The following TNS1 variants were observed in gnomAD, a reference collection of about 807,000 sequenced individuals.
The protein encoded by TNS1 is tensin 1.
Under a neutral mutation model 168.6 loss-of-function variants are expected in TNS1, and 62 were observed. The ratio of observed to expected loss-of-function variants is 0.37; its 90% CI spans 0.30 to 0.45. TNS1 has a LOEUF of 0.45. TNS1 is among the 20% of genes least tolerant of loss of function. The probability of loss-of-function intolerance (pLI) is 1.00; values close to 1 mark genes in which losing one functional copy is unlikely to be tolerated. For synonymous variants in TNS1, 934 were observed against 933.2 expected, an observed-to-expected ratio of 1.00 and a Z score of -0.02; for missense variants, 2,240 against 2,339.4, an observed-to-expected ratio of 0.96 and a Z score of 0.88.
At chr2:217,896,006 T>C (rs745881724) in intron 8 of TNS1, among the ~76,000 whole-genome samples, 3 of 152,248 alleles carry the variant, frequency 2.0e-5, no homozygotes, top group African/African-American at 4.8e-5. Context: ...TATGGTACAA[T>C]AGCCATCACT....
intron 3 of TNS1, among the ~76,000 whole-genome samples, chr2:217,945,708 C>T (rs1381574134): frequency 6.6e-6 from 1 of 152,168 alleles, no homozygotes; most frequent in East Asian, 1.9e-4. Context: ...CTAGTCCTCC[C>T]TAGCCGTCGG....
At chr2:217,997,985 G>C (rs1958500948) in intron 1 of TNS1, among the ~76,000 whole-genome samples, 1 of 152,184 alleles carries the variant, frequency 6.6e-6, no homozygotes, top group African/African-American at 2.4e-5. Flanking sequence ...CCATGAACCA[G>C]CCCTCAGAAG....
intron 8 of TNS1, among the ~76,000 whole-genome samples, chr2:217,896,835 A>G (rs79136282): frequency 0.011 from 1,668 of 152,338 alleles, 25 homozygotes; most frequent in African/African-American, 0.038. Flanking sequence ...ACTTATGCAT[A>G]TACTTCCGTA....
intron 3 of TNS1, among the ~76,000 whole-genome samples, chr2:217,956,429 C>T (rs1006151533): frequency 3.3e-5 from 5 of 151,170 alleles, no homozygotes; most frequent in Admixed American, 2.0e-4. Flanking sequence ...GTAACAAGGA[C>T]GCAGAAAAGA....
chr2:217,949,789 G>A (rs1266402853), intron 3 of TNS1, among the ~76,000 whole-genome samples: 2 of 152,160 alleles, frequency 1.3e-5, no homozygotes, highest in African/African-American at 4.8e-5. Context: ...CTAAGATGCT[G>A]AAGTGAACTG....
Position 217,847,997 on chromosome 2 carries a change from C to A in TNS1, c.2520G>T (p.Leu840=), listed in dbSNP as rs1946903381. Residue 840 remains leucine, a synonymous_variant, in exon 19 of 33, where the codon CTG becomes CTT. Coordinates refer to ENST00000682258, the MANE Select transcript of TNS1 (RefSeq NM_001387777.1). ...CGGAGGCTGGCTCCAGGTCCAGCAT[C>A]AGCATATTGAGTGTTTCGATGGACT... The part of the protein sequence containing the change: ...IEQSIETLNM[L]MLDLEPASAA... 6.6e-7 allele frequency: 1 copy of A among 1,511,090 alleles called. No homozygotes were observed. Among genetic ancestry groups the A allele is most frequent in the African/African-American group, 1.4e-5 (1 of 71,986 alleles). 93.6% of individuals were successfully genotyped at this position (1,511,090 alleles called of 1,614,324 possible).
rs1946927773 is a variant in TNS1 at position 217,848,136 on chromosome 2, C to G, written c.2381G>C (p.Arg794Thr). Residue 794 changes from arginine to threonine, a missense_variant, in exon 19 of 33, where the codon AGA (arginine) becomes ACA (threonine). Coordinates refer to ENST00000682258, the MANE Select transcript of TNS1 (RefSeq NM_001387777.1). ...QPRPPPRQQE[R>T]AHLESLVASR... is the part of the protein sequence containing the mutation. ...GGCTACAAGACTCTCCAAGTGGGCT[C>G]TTTCCTGCTGGCGTGGAGGTGGGCG... 1.3e-6 allele frequency: 2 copies of G among 1,595,044 alleles called. No homozygotes were observed. The highest frequency in any genetic ancestry group is 1.3e-5 in the African/African-American group (1 of 74,560).
chr2:218,029,093 C>T (rs532274458), intron 1 of TNS1, among the ~76,000 whole-genome samples: 1 of 152,346 alleles, frequency 6.6e-6, no homozygotes, highest in South Asian at 2.1e-4. Flanking sequence ...CCTCCTGCCC[C>T]TGCTAGGGAC....
rs762707421 is a variant in TNS1 at position 217,895,100 on chromosome 2, G to A, written c.544-44C>T. 1.1e-5 allele frequency: 18 copies of A among 1,572,150 alleles called. No homozygotes were observed. The African/African-American group carries it at 1.7e-4, about 15-fold the overall frequency. ...AGAGAGCATGAGGAGGTGAGGGTGA[G>A]GAGGGCGGCGAGGAGAGAGAGAACC... On this transcript the variant is annotated intron_variant, in intron 8 of 32. Coordinates refer to ENST00000682258, the MANE Select transcript of TNS1 (RefSeq NM_001387777.1).
At chr2:218,001,754 C>G (rs1021893293) in intron 1 of TNS1, among the ~76,000 whole-genome samples, 2 of 151,238 alleles carry the variant, frequency 1.3e-5, no homozygotes, top group African/African-American at 4.9e-5. Context: ...TCTTTCTTTG[C>G]CCAGAGGACA....
At chr2:217,837,388 G>T (rs1443718754) in intron 19 of TNS1, among the ~76,000 whole-genome samples, 1 of 152,206 alleles carries the variant, frequency 6.6e-6, no homozygotes, top group East Asian at 1.9e-4. Context: ...GCCATAAACA[G>T]CGCCACCTGG....
chr2:217,846,665 G>T (rs1946689329), intron 19 of TNS1, among the ~76,000 whole-genome samples: 2 of 152,208 alleles, frequency 1.3e-5, no homozygotes, highest in African/African-American at 4.8e-5. Flanking sequence ...ATGGGCATAG[G>T]CTTAGACCAG....
At chr2:217,843,125 A>G (rs897356683) in intron 19 of TNS1, among the ~76,000 whole-genome samples, 2 of 130,382 alleles carry the variant, frequency 1.5e-5, no homozygotes, top group Admixed American at 1.5e-4. Context: ...TATTTTCAGA[A>G]CAAAATGTAA....
rs1958444329 is a variant in TNS1, at chr2:217,995,074, C to T, written c.34-4018G>A. ...GGGACTGAAAGTGATGGGGGTGGGACTTGCAGATGATTCAGAGAGTGGAAT... is the reference window on the plus strand; with the variant it reads ...GGGACTGAAAGTGATGGGGGTGGGATTTGCAGATGATTCAGAGAGTGGAAT... On this transcript the variant is annotated intron_variant, in intron 1 of 32. Coordinates refer to ENST00000682258, the MANE Select transcript of TNS1 (RefSeq NM_001387777.1). The surrounding 1 kb of genome is among the most constrained non-coding windows in gnomAD (Gnocchi z 4.1). 6.6e-6 allele frequency among the ~76,000 whole-genome samples: 1 copy of T among 152,092 alleles called. No individual in the cohort carries two copies. Among genetic ancestry groups the T allele is most frequent in the Admixed American group, 6.5e-5 (1 of 15,268 alleles).
At chr2:217,963,638 G>T (rs893001808) in intron 3 of TNS1, among the ~76,000 whole-genome samples, 1 of 150,212 alleles carries the variant, frequency 6.7e-6, no homozygotes, top group Non-Finnish European at 1.5e-5. Context: ...ATGAAGAAAA[G>T]ATAAATATTT....
chr2:217,809,363 G>A (rs1940109599), intron 30 of TNS1, among the ~76,000 whole-genome samples: 1 of 125,202 alleles, frequency 8.0e-6, no homozygotes. Flanking sequence ...ATGGATGGAT[G>A]GATGGATGGA....
At chr2:217,881,279 G>A in intron 17 of TNS1, 1 of 406,546 alleles carries the variant, frequency 2.5e-6, no homozygotes, top group Non-Finnish European at 4.4e-6. Flanking sequence ...AGACCCCCTG[G>A]AAGAAAGCGG....
chr2:217,936,600 C>T (rs1956621669), intron 3 of TNS1, among the ~76,000 whole-genome samples: 1 of 152,126 alleles, frequency 6.6e-6, no homozygotes, highest in Non-Finnish European at 1.5e-5. Context: ...CTCCCCTGCC[C>T]AGTACAGCCG....
chr2:217,907,428 A>T (rs1344211931), intron 4 of TNS1, among the ~76,000 whole-genome samples, 177 bp from the exon 5 acceptor site: 1 of 152,252 alleles, frequency 6.6e-6, no homozygotes, highest in Non-Finnish European at 1.5e-5. Flanking sequence ...AGAGTTTGAC[A>T]TGTGGAAAAC....
Sources: gnomAD v4.1 joint callset for allele counts (sites outside exome capture counted in the v4.1 genomes callset) on GRCh38, gnomAD v4.1.1 for gene constraint, Gnocchi (gnomAD v3.1) non-coding constraint, MANE v1.5 for transcripts, NCBI Gene and HGNC (gene_info 2026-07-23, HGNC 2026-07-21) for gene names.